MBD1: variants seen among roughly 807,000 people sequenced by gnomAD.
MBD1 encodes methyl-CpG binding domain protein 1, also known as methyl-CpG-binding domain protein 1.
In MBD1, 25 loss-of-function variants were observed where a neutral mutation model predicts 82.6. The observed-to-expected ratio is 0.30, with a 90% CI of 0.22 to 0.42. MBD1 has a LOEUF of 0.42. Among genes scored for constraint, MBD1 ranks in the 10% least tolerant of loss-of-function variants. MBD1 has a pLI of 1.00. For missense variants in MBD1, 627 were observed against 819.6 expected (o/e 0.76, Z 2.87); for synonymous variants, 301 against 303.7 (o/e 0.99, Z 0.09).
chr18:50,271,523 T>G lies in MBD1; in HGVS notation c.1796A>C (p.Lys599Thr). 1.9e-6 allele frequency: 3 copies of G among 1,614,208 alleles called. No individual in the cohort carries two copies. Among genetic ancestry groups the G allele is most frequent in the Non-Finnish European group, 2.5e-6 (3 of 1,180,032 alleles). ...AGTCTACTGCTTTCTAGCTCCAGGTTTTTTAAGGTCTTTGGACCTAGGGAA... is the reference window on the plus strand; with the variant it reads ...AGTCTACTGCTTTCTAGCTCCAGGTGTTTTAAGGTCTTTGGACCTAGGGAA... ...VWLPRSKDLK[K>T]PGARKQ Residue 599 changes from lysine (K) to threonine (T), a missense_variant, in exon 16 of 17, where the codon AAA becomes ACA. Around this residue, in one of 6 missense-constraint regions of MBD1, gnomAD observed 265 missense variants for 278.4 expected, o/e 0.95. Coordinates refer to ENST00000269468, the MANE Select transcript of MBD1 (RefSeq NM_015846.4).
rs1297886235 is a variant in MBD1, at chr18:50,276,656, A to C, written c.475+6T>G. On this transcript the variant is annotated splice_donor_region_variant and intron_variant, in intron 5 of 16. Transcript: ENST00000269468. ...CCCGATGCCCCATCCTCTGGAGGCC[A>C]CTCACCTCGACAGTCTTTGCACAAC... The C allele has an allele frequency of 1.9e-6, 3 of 1,613,774 alleles. No individual in the cohort carries two copies. The South Asian group carries it at 3.3e-5, about 18-fold the overall frequency.
At chr18:50,270,928 G>A in intron 16 of MBD1, 1 of 618,886 alleles carries the variant, frequency 1.6e-6, no homozygotes, top group Non-Finnish European at 2.0e-6. Flanking sequence ...TTCGACATTG[G>A]ACAAATTAAT....
intron 2 of MBD1, among the ~76,000 whole-genome samples, chr18:50,279,259 T>A (rs950117528): frequency 2.6e-5 from 4 of 152,236 alleles, no homozygotes; most frequent in African/African-American, 4.8e-5. Flanking sequence ...TGCTTTCTCA[T>A]CTCTTACATA....
At chr18:50,272,442 A>G (rs2851716) in intron 15 of MBD1, 115,215 of 578,574 alleles carry the variant, frequency 0.2, 11,798 homozygotes, top group South Asian at 0.21. Flanking sequence ...TAGAGTACCA[A>G]GTCTTTCCCC....
rs1428171390 is a variant in MBD1 at position 50,269,285 on chromosome 18, G to A, written c.*566C>T. 1 of 1,216,742 alleles carries A rather than the reference G, an allele frequency of 8.2e-7. No individual in the cohort carries two copies. Among genetic ancestry groups the A allele is most frequent in the African/African-American group, 1.6e-5 (1 of 64,158 alleles). 75.4% of individuals were successfully genotyped at this position (1,216,742 alleles called of 1,614,324 possible). A position where few individuals can be genotyped will look rare whatever the true frequency, so the allele number is the denominator to read the frequency against. ...ACATAGTTATATTGAGTTATCCTCA[G>A]GTGAGCAGTGAGACCCTTGGGAGCG... On this transcript the variant is annotated 3_prime_UTR_variant, in exon 17 of 17. Coordinates refer to ENST00000269468, the MANE Select transcript of MBD1 (RefSeq NM_015846.4).
chr18:50,271,164 T>C, intron 16 of MBD1: 1 of 1,218,820 alleles, frequency 8.2e-7, no homozygotes, highest in South Asian at 2.0e-5. Flanking sequence ...ACATGGCTTG[T>C]TTAGGTTGTT....
intron 2 of MBD1, 89 bp downstream of exon 2, chr18:50,279,794 A>G (rs1473865640): frequency 6.5e-7 from 1 of 1,540,160 alleles, no homozygotes; most frequent in South Asian, 1.1e-5. Flanking sequence ...CATAATTTAA[A>G]CTTCATCCAT....
At chr18:50,273,231 G>T in intron 13 of MBD1, 103 bp downstream of exon 13, 1 of 1,496,428 alleles carries the variant, frequency 6.7e-7, no homozygotes, top group Non-Finnish European at 9.1e-7. Context: ...GTCGCAATCA[G>T]CACATCTATT....
chr18:50,276,040 T>A (rs1343333341), intron 6 of MBD1, 59 bp from the exon 7 acceptor site: 7 of 1,578,228 alleles, frequency 4.4e-6, no homozygotes, highest in Non-Finnish European at 6.0e-6. Flanking sequence ...GGTCCTCCCA[T>A]GTCTACTGAC....
At chr18:50,275,304 C>G in intron 8 of MBD1, 59 bp from the exon 9 acceptor site, 1 of 1,610,618 alleles carries the variant, frequency 6.2e-7, no homozygotes, top group Non-Finnish European at 8.5e-7. Context: ...CACAGAAACT[C>G]CCCACACCCT....
upstream of MBD1, chr18:50,281,702 C>G (rs2040303245): frequency 4.8e-6 from 2 of 417,200 alleles, no homozygotes; most frequent in African/African-American, 2.0e-5. Flanking sequence ...TGACGTTCAA[C>G]GACAGCTAAC....
chr18:50,275,896 T>A lies in MBD1; in HGVS notation c.602A>T (p.Asp201Val), dbSNP rs1338333826. Residue 201 changes from aspartate (D) to valine (V), a missense_variant, in exon 7 of 17, where the codon GAT becomes GTT. Asp to Val is a radical substitution (Grantham distance 152). Transcript: ENST00000269468. ...CSTCLLQLPH[D>V]VASGLFCKCE... ...CTTGCAGAACAGCCCCGATGCCACA[T>A]CATGGGGCAGCTGCAGGAGGCAGGT... is the stretch of plus-strand genomic sequence containing the variant. The A allele has an allele frequency of 6.2e-7, 1 of 1,614,126 alleles. No homozygotes were observed. Among genetic ancestry groups the A allele is most frequent in the Non-Finnish European group, 8.5e-7 (1 of 1,180,020 alleles).
downstream of MBD1, chr18:50,267,405 A>T (rs940761816): frequency 1.9e-6 from 1 of 520,058 alleles, no homozygotes; most frequent in African/African-American, 1.9e-5. Flanking sequence ...GGCAGAAACC[A>T]GGGCTTAGAC....
Position 50,276,879 on chromosome 18 carries a change from C to T in MBD1, c.345G>A (p.Glu115=). ...GGGCTGTGTCAGTGTCAGCCTTGGT[C>T]TCATCCCTCGGGGCCTCCTTCCTGA... The part of the protein sequence containing the change: ...GEVRKEAPRD[E]TKADTDTAPA... Residue 115 remains glutamate (E), a synonymous_variant, in exon 4 of 17, where the codon GAG becomes GAA. Coordinates refer to ENST00000269468, the MANE Select transcript of MBD1 (RefSeq NM_015846.4). 1.2e-6 allele frequency: 2 copies of T among 1,614,232 alleles called. No homozygotes were observed. Among genetic ancestry groups the T allele is most frequent in the Admixed American group, 3.3e-5 (2 of 60,028 alleles).
downstream of MBD1, chr18:50,267,719 C>T: frequency 8.4e-7 from 1 of 1,193,426 alleles, no homozygotes; most frequent in Non-Finnish European, 1.2e-6. Flanking sequence ...TGGGGGTGAG[C>T]ATAGAACACT....
In MBD1 at chr18:50,269,142, A is replaced by G. The variant is rs1390737729; in HGVS notation, c.*709T>C. 7.7e-6 allele frequency: 8 copies of G among 1,037,178 alleles called. No individual in the cohort carries two copies. The highest frequency in any genetic ancestry group is 8.1e-6 in the Non-Finnish European group (7 of 861,222). 64.2% of individuals were successfully genotyped at this position (1,037,178 alleles called of 1,614,324 possible). On this transcript the variant is annotated 3_prime_UTR_variant, in exon 17 of 17. Transcript: ENST00000269468. ...CCACAGGCCAGGTTCTCAATACTTG[A>G]ATAAATGACACAAAAATAGCCAGGA...
At chr18:50,277,275 A>G in intron 2 of MBD1, 71 bp from the exon 3 acceptor site, 1 of 1,243,876 alleles carries the variant, frequency 8.0e-7, no homozygotes, top group Non-Finnish European at 1.2e-6. Context: ...ACCTTTTGAC[A>G]GGGCTGGCAG....
rs141197289 is a variant in MBD1 at position 50,273,727 on chromosome 18, C to T, written c.1283G>A (p.Arg428His). 6.4e-5 allele frequency: 103 copies of T among 1,614,146 alleles called. 1 individual carries two copies. In the African/African-American group the frequency reaches 1.1e-3, roughly 18 times the overall value. Residue 428 changes from arginine (R) to histidine (H), a missense_variant, in exon 12 of 17, where the codon CGC becomes CAC. Arg to His is a conservative substitution (Grantham distance 29, BLOSUM62 0). This residue lies in a region of MBD1 where 265 missense variants were observed against 278.4 expected (regional missense o/e 0.95). Coordinates refer to ENST00000269468, the MANE Select transcript of MBD1 (RefSeq NM_015846.4). ...GPTLKPTLAT[R>H]TAQPDHTQAP... ...CTGGGTATGGTCTGGTTGGGCTGTG[C>T]GTGTAGCCAAGGTGGGCTTCAAGGT...
At chr18:50,268,569 C>A (rs1599160404), downstream of MBD1, among the ~76,000 whole-genome samples, 1 of 152,234 alleles carries the variant, frequency 6.6e-6, no homozygotes, top group Admixed American at 6.5e-5. Flanking sequence ...CCTCCAGGGC[C>A]CCGGTGGGTG....
Sources: gnomAD v4.1 joint callset for allele counts (sites outside exome capture counted in the v4.1 genomes callset) on GRCh38, gnomAD v4.1.1 for gene constraint, gnomAD v4.1.1 regional missense constraint, MANE v1.5 for transcripts, NCBI Gene and HGNC (gene_info 2026-07-23, HGNC 2026-07-21) for gene names.